DNAJC3: variants seen among roughly 807,000 people sequenced by gnomAD.
DNAJC3 encodes the protein DnaJ heat shock protein family (Hsp40) member C3, also known as dnaJ homolog subfamily C member 3.
Under a neutral mutation model 68.6 loss-of-function variants are expected in DNAJC3, and 38 were observed. The ratio of observed to expected loss-of-function variants is 0.55; its 90% CI spans 0.43 to 0.73. The LOEUF is 0.73. Ranked by LOEUF, DNAJC3 falls within the 30% of genes least tolerant of loss-of-function variation. The probability of loss-of-function intolerance (pLI) is 0.00; values close to 1 mark genes in which losing one functional copy is unlikely to be tolerated. For missense variants in DNAJC3, 526 were observed against 591.9 expected (o/e 0.89, Z 1.16); for synonymous variants, 203 against 204.0 (o/e 1.00, Z 0.04).
At chr13:95,689,808 T>C (rs1880179273) in intron 1 of DNAJC3, among the ~76,000 whole-genome samples, 1 of 152,162 alleles carries the variant, frequency 6.6e-6, no homozygotes, top group South Asian at 2.1e-4. Context: ...TCTGTTTTCA[T>C]TTGTATCAGA....
At chr13:95,745,203 AC>A (rs2139662182) in intron 4 of DNAJC3, 1 of 152,374 alleles carries the variant, frequency 6.6e-6, no homozygotes, top group Non-Finnish European at 1.5e-5. Flanking sequence ...AATGTTGATA[AC>A]TACATAAAAT....
At chr13:95,713,971 T>A (rs1881056828) in intron 2 of DNAJC3, among the ~76,000 whole-genome samples, 1 of 152,234 alleles carries the variant, frequency 6.6e-6, no homozygotes, top group Non-Finnish European at 1.5e-5. Flanking sequence ...CCTGTTGGGA[T>A]GTCAGGTGAA....
At chr13:95,735,591 A>C (rs1347596998) in intron 4 of DNAJC3, among the ~76,000 whole-genome samples, 2 of 150,892 alleles carry the variant, frequency 1.3e-5, no homozygotes, top group Middle Eastern at 3.4e-3. Flanking sequence ...GCATTTTTTC[A>C]TGTGTTTTTT....
chr13:95,768,661 C>T lies in DNAJC3; in HGVS notation c.1075+4708C>T, dbSNP rs575083669. ...TATACTACCTAGGCCCACCCTATCC[C>T]GCAGAAGTATTCTGTGTTCAAAATT... On this transcript the variant is annotated intron_variant, in intron 9 of 11. Transcript: ENST00000602402. Among the ~76,000 whole-genome samples, 12 of 152,150 alleles carry T rather than the reference C, an allele frequency of 7.9e-5. No homozygotes were observed. In the South Asian group the frequency reaches 1.9e-3, roughly 24 times the overall value.
intron 4 of DNAJC3, among the ~76,000 whole-genome samples, chr13:95,747,831 G>A (rs1882349564): frequency 6.6e-6 from 1 of 151,614 alleles, no homozygotes; most frequent in African/African-American, 2.4e-5. Context: ...TGGTTGGGGT[G>A]ATAGGAAAAA....
chr13:95,781,858 GGTTT>G (rs1475533339), intron 9 of DNAJC3, among the ~76,000 whole-genome samples: 1 of 151,772 alleles, frequency 6.6e-6, no homozygotes, highest in African/African-American at 2.4e-5. Context: ...AGAATGTACA[GGTTT>G]GTTACATAGG....
At chr13:95,767,171 C>G in intron 9 of DNAJC3, among the ~76,000 whole-genome samples, 1 of 152,112 alleles carries the variant, frequency 6.6e-6, no homozygotes. Context: ...CCTTAAACAG[C>G]CGCTCCTTTT....
intron 4 of DNAJC3, among the ~76,000 whole-genome samples, chr13:95,736,744 TATACAA>T (rs990550191): frequency 3.4e-5 from 5 of 147,170 alleles, no homozygotes; most frequent in Non-Finnish European, 6.0e-5. Flanking sequence ...GTTTTCTAGA[TATACAA>T]TCATGTCATC....
chr13:95,757,924 C>T lies in DNAJC3; in HGVS notation c.546+128C>T, dbSNP rs978194828. 23 of 1,035,034 alleles carry T rather than the reference C, an allele frequency of 2.2e-5. No individual in the cohort carries two copies. The East Asian group carries it at 5.0e-4, about 22-fold the overall frequency. The allele number at this position is 1,035,034 out of a possible 1,614,324, so 64.1% of individuals were successfully genotyped here. ...ATCAGGTTGGTCCTTGGGCTTTTGC[C>T]TCTTAAGTATAAAATAGTGTTCCTA... On this transcript the variant is annotated intron_variant, in intron 5 of 11. Coordinates refer to ENST00000602402, the MANE Select transcript of DNAJC3 (RefSeq NM_006260.5).
intron 1 of DNAJC3, among the ~76,000 whole-genome samples, chr13:95,689,145 TC>T (rs1880157642): frequency 6.6e-6 from 1 of 151,616 alleles, no homozygotes; most frequent in African/African-American, 2.4e-5. Flanking sequence ...TTTTTTTTTT[TC>T]GGGGGGGAAT....
chr13:95,742,764 C>T (rs780537252), intron 4 of DNAJC3: 4 of 518,974 alleles, frequency 7.7e-6, no homozygotes, highest in Admixed American at 5.8e-5. Flanking sequence ...GAATGCCTTC[C>T]TCAGTCTTTA....
intron 1 of DNAJC3, chr13:95,694,821 A>G (rs1307534269): frequency 6.5e-6 from 1 of 152,716 alleles, no homozygotes; most frequent in East Asian, 1.9e-4. Context: ...TTTTCACGCT[A>G]ACGGTGCTTC....
intron 1 of DNAJC3, among the ~76,000 whole-genome samples, chr13:95,704,577 A>T (rs1260542235): frequency 6.6e-6 from 1 of 152,212 alleles, no homozygotes; most frequent in African/African-American, 2.4e-5. Context: ...AGAATGCTGT[A>T]ATGATAGGTA....
At chr13:95,734,370 T>G (rs1881819166) in intron 4 of DNAJC3, among the ~76,000 whole-genome samples, 1 of 152,228 alleles carries the variant, frequency 6.6e-6, no homozygotes, top group South Asian at 2.1e-4. Flanking sequence ...GTAAGGTTTC[T>G]GCTGAGAAAT....
chr13:95,703,693 A>G (rs943363294), intron 1 of DNAJC3, among the ~76,000 whole-genome samples: 1 of 152,228 alleles, frequency 6.6e-6, no homozygotes, highest in Non-Finnish European at 1.5e-5. Context: ...TATATAATCA[A>G]AGAGAAAATA....
At chr13:95,712,379 T>TC (rs970291405) in intron 2 of DNAJC3, among the ~76,000 whole-genome samples, 3 of 150,244 alleles carry the variant, frequency 2.0e-5, no homozygotes, top group Non-Finnish European at 3.0e-5. Flanking sequence ...TTTTTCTTTT[T>TC]TTTTTTTTTT....
intron 4 of DNAJC3, among the ~76,000 whole-genome samples, chr13:95,738,084 A>G (rs1881992822): frequency 6.8e-6 from 1 of 147,860 alleles, no homozygotes; most frequent in Non-Finnish European, 1.5e-5. Flanking sequence ...TTATGTACCC[A>G]GTAGTCATTC....
At chr13:95,726,233 C>A (rs1384661101) in intron 4 of DNAJC3, among the ~76,000 whole-genome samples, 1 of 152,088 alleles carries the variant, frequency 6.6e-6, no homozygotes, top group African/African-American at 2.4e-5. Context: ...AGTTCTAGAT[C>A]CCTGAGGAAT....
chr13:95,716,018 C>G (rs1197954803), intron 2 of DNAJC3, among the ~76,000 whole-genome samples: 2 of 151,856 alleles, frequency 1.3e-5, no homozygotes, highest in Middle Eastern at 6.8e-3. Context: ...GTTAACCGGG[C>G]GTGGTGGCAG....
Sources: gnomAD v4.1 joint callset for allele counts (sites outside exome capture counted in the v4.1 genomes callset) on GRCh38, gnomAD v4.1.1 for gene constraint, MANE v1.5 for transcripts, NCBI Gene and HGNC (gene_info 2026-07-23, HGNC 2026-07-21) for gene names.